Variants in CYB5RL observed in about 807,000 individuals in gnomAD.
CYB5RL encodes NADH-cytochrome b5 reductase-like.
In CYB5RL, 38 loss-of-function variants were observed where a neutral mutation model predicts 37.5. The ratio of observed to expected loss-of-function variants is 1.01; its 90% CI spans 0.78 to 1.33. The LOEUF (loss-of-function observed/expected upper bound fraction) is 1.33, where lower values mean the gene tolerates loss of function less well. CYB5RL is among the 40% of genes most tolerant of loss of function. The pLI, the probability that CYB5RL is intolerant of heterozygous loss-of-function variation, is 0.00. For synonymous variants in CYB5RL, 141 were observed against 151.9 expected, an observed-to-expected ratio of 0.93 and a Z score of 0.53; for missense variants, 388 against 394.4, an observed-to-expected ratio of 0.98 and a Z score of 0.14.
chr1:54,182,244 T>C (rs1436028753), intron 6 of CYB5RL, among the ~76,000 whole-genome samples: 1 of 152,210 alleles, frequency 6.6e-6, no homozygotes, highest in East Asian at 1.9e-4. Context: ...TTGTAGCACC[T>C]AAGAGCTGCT....
intron 1 of CYB5RL, among the ~76,000 whole-genome samples, chr1:54,199,658 C>A (rs1307098450): frequency 6.6e-6 from 1 of 152,116 alleles, no homozygotes; most frequent in Non-Finnish European, 1.5e-5. Context: ...ATTGGGAAAT[C>A]CAGAGGGAAA....
At chr1:54,194,567 G>A (rs1255057576) in intron 3 of CYB5RL, among the ~76,000 whole-genome samples, 1 of 152,160 alleles carries the variant, frequency 6.6e-6, no homozygotes, top group African/African-American at 2.4e-5. Context: ...CCATCTCTTT[G>A]GGAGGCTGAG....
intron 4 of CYB5RL, among the ~76,000 whole-genome samples, chr1:54,189,439 G>C (rs1352284271): frequency 6.6e-6 from 1 of 152,184 alleles, no homozygotes; most frequent in Middle Eastern, 3.2e-3. Context: ...GCGTGGAGCA[G>C]GAGGCTGAGA....
chr1:54,184,085 G>C, intron 6 of CYB5RL, 76 bp downstream of exon 6: 1 of 1,319,566 alleles, frequency 7.6e-7, no homozygotes, highest in Non-Finnish European at 1.1e-6. Flanking sequence ...GAATGGCACA[G>C]TGAGATGCTA....
At chr1:54,188,506 T>A (rs1643922305) in intron 4 of CYB5RL, among the ~76,000 whole-genome samples, 1 of 152,238 alleles carries the variant, frequency 6.6e-6, no homozygotes, top group Admixed American at 6.5e-5. Context: ...TAAAGCCCTG[T>A]CTCATGCATG....
At chr1:54,182,814 A>C (rs977505093) in intron 6 of CYB5RL, among the ~76,000 whole-genome samples, 6 of 152,232 alleles carry the variant, frequency 3.9e-5, no homozygotes, top group African/African-American at 1.4e-4. Flanking sequence ...CGGCCTCCCA[A>C]AGTGCTGGGA....
At position 54,174,516 on chromosome 1, in the gene CYB5RL, A is replaced by G; in HGVS notation, c.*103T>C. On this transcript the variant is annotated 3_prime_UTR_variant, in exon 8 of 8. Coordinates refer to ENST00000534324, the MANE Select transcript of CYB5RL (RefSeq NM_001031672.4). ...GCCCAAGGTCACCTGGCAAATGAGC[A>G]GCAGGACCAGGCCTGGACTCCGTGT... The G allele has an allele frequency of 7.3e-7, 1 of 1,373,150 alleles. No individual in the cohort carries two copies. The highest frequency in any genetic ancestry group is 1.0e-6 in the Non-Finnish European group (1 of 992,914). The allele number at this position is 1,373,150 out of a possible 1,614,324, so 85.1% of individuals were successfully genotyped here. A position where few individuals can be genotyped will look rare whatever the true frequency, so the allele number is the denominator to read the frequency against.
At chr1:54,184,356 G>T in intron 5 of CYB5RL, 91 bp from the exon 6 acceptor site, 1 of 1,049,990 alleles carries the variant, frequency 9.5e-7, no homozygotes. Context: ...CGTTCTGTAT[G>T]CTAAGTGCTT....
At chr1:54,194,014 AATAATAATAATAATG>A (rs1249228892) in intron 3 of CYB5RL, among the ~76,000 whole-genome samples, 16 of 142,938 alleles carry the variant, frequency 1.1e-4, no homozygotes, top group Admixed American at 2.8e-4. Context: ...CAATAATAAT[AATAATAATAATAATG>A]ATAATAATAA....
At chr1:54,176,682 T>G (rs914077208) in intron 7 of CYB5RL, among the ~76,000 whole-genome samples, 2 of 152,200 alleles carry the variant, frequency 1.3e-5, no homozygotes, top group African/African-American at 4.8e-5. Flanking sequence ...TCACCTCCCC[T>G]TTTCCACTGC....
In CYB5RL at chr1:54,174,492, C is replaced by G; in HGVS notation, c.*127G>C. 1 of 1,138,420 alleles carries G rather than the reference C, an allele frequency of 8.8e-7. No individual in the cohort carries two copies. Among genetic ancestry groups the G allele is most frequent in the South Asian group, 1.4e-5 (1 of 69,760 alleles). The allele number at this position is 1,138,420 out of a possible 1,614,324, so 70.5% of individuals were successfully genotyped here. ...AGGTTCTGAGCAGTAAAGACACTTG[C>G]CCAAGGTCACCTGGCAAATGAGCAG... On this transcript the variant is annotated 3_prime_UTR_variant, in exon 8 of 8. Transcript: ENST00000534324.
intron 6 of CYB5RL, chr1:54,183,912 T>C (rs758756482): frequency 1.4e-4 from 29 of 203,944 alleles, no homozygotes; most frequent in Non-Finnish European, 2.4e-4. Flanking sequence ...GAGGTGGAGG[T>C]TGCGGTGAGC....
intron 7 of CYB5RL, among the ~76,000 whole-genome samples, chr1:54,175,195 G>C (rs562846294): frequency 1.5e-4 from 23 of 152,200 alleles, no homozygotes; most frequent in Non-Finnish European, 3.4e-4. Flanking sequence ...TCCAAGGTTA[G>C]CTATCATCAT....
intron 4 of CYB5RL, chr1:54,190,478 T>G: frequency 5.1e-6 from 3 of 589,672 alleles, no homozygotes; most frequent in Non-Finnish European, 9.0e-6. Context: ...CCACACAGGA[T>G]TTTGTGAGGG....
At chr1:54,181,925 C>T (rs1343979164) in intron 6 of CYB5RL, among the ~76,000 whole-genome samples, 1 of 152,060 alleles carries the variant, frequency 6.6e-6, no homozygotes, top group Non-Finnish European at 1.5e-5. Context: ...GCTTGGGCAA[C>T]AGGGAGGGAA....
At position 54,192,298 on chromosome 1, in the gene CYB5RL, C is replaced by G. The variant is rs540824675; in HGVS notation, c.199-1402G>C. 1.3e-3 allele frequency among the ~76,000 whole-genome samples: 201 copies of G among 151,530 alleles called. 1 individual carries two copies. Among genetic ancestry groups the G allele is most frequent in the Non-Finnish European group, 2.7e-3 (181 of 67,932 alleles). On this transcript the variant is annotated intron_variant, in intron 3 of 7. Transcript: ENST00000534324. ...CTCCCGGATTCAAGTGATTCTCGTG[C>G]CTCAGCCTCCCAGGTAACTGGGATC... is the stretch of plus-strand genomic sequence containing the variant.
Position 54,174,521 on chromosome 1 carries a change from G to C in CYB5RL, c.*98C>G. The C allele has an allele frequency of 1.4e-6, 2 of 1,412,900 alleles. No individual in the cohort carries two copies. Among genetic ancestry groups the C allele is most frequent in the South Asian group, 1.3e-5 (1 of 79,536 alleles). 87.5% of individuals were successfully genotyped at this position (1,412,900 alleles called of 1,614,324 possible). Reference sequence around the variant, plus strand: ...AGGTCACCTGGCAAATGAGCAGCAGGACCAGGCCTGGACTCCGTGTCTTCT... The same window carrying C: ...AGGTCACCTGGCAAATGAGCAGCAGCACCAGGCCTGGACTCCGTGTCTTCT... On this transcript the variant is annotated 3_prime_UTR_variant, in exon 8 of 8. Transcript: ENST00000534324.
rs569934573 is a variant in CYB5RL at position 54,176,943 on chromosome 1, G to T, written c.745-2121C>A. Among the ~76,000 whole-genome samples, 5 of 152,324 alleles carry T rather than the reference G, an allele frequency of 3.3e-5. No individual in the cohort carries two copies. The South Asian group carries it at 1.0e-3, about 32-fold the overall frequency. The stretch of plus-strand genomic sequence containing the variant: ...TGAGGGGTACAGAGGTGGGAGGTGA[G>T]GAAAGGAGAGCACTCCTGGCAGGCA... On this transcript the variant is annotated intron_variant, in intron 7 of 7. Transcript: ENST00000534324.
intron 6 of CYB5RL, among the ~76,000 whole-genome samples, chr1:54,183,263 A>C (rs1246210942): frequency 6.6e-6 from 1 of 152,198 alleles, no homozygotes; most frequent in Non-Finnish European, 1.5e-5. Flanking sequence ...GGTTGTTTCC[A>C]ATTTTCTGCT....
Sources: gnomAD v4.1 joint callset for allele counts (sites outside exome capture counted in the v4.1 genomes callset) on GRCh38, gnomAD v4.1.1 for gene constraint, MANE v1.5 for transcripts, NCBI Gene and HGNC (gene_info 2026-07-23, HGNC 2026-07-21) for gene names.